Variants in PRR14L observed in about 807,000 individuals in gnomAD.
PRR14L encodes the protein proline rich 14 like.
A neutral mutation model predicts 155.0 loss-of-function variants in PRR14L; 80 were observed. The observed-to-expected ratio is 0.52, with a 90% CI of 0.43 to 0.62. The LOEUF (loss-of-function observed/expected upper bound fraction) is 0.62, where lower values mean the gene tolerates loss of function less well. Among genes scored for constraint, PRR14L ranks in the 20% least tolerant of loss-of-function variants. The pLI is 0.00. For missense variants in PRR14L, 2,469 were observed against 2,548.0 expected (o/e 0.97, Z 0.67); for synonymous variants, 883 against 916.0 (o/e 0.96, Z 0.65).
Position 31,713,030 on chromosome 22 carries a change from GCTC to G in PRR14L, c.4806_4808del (p.Arg1602del). The G allele has an allele frequency of 6.4e-7, 1 of 1,552,258 alleles. No homozygotes were observed. Among genetic ancestry groups the G allele is most frequent in the Non-Finnish European group, 8.7e-7 (1 of 1,147,116 alleles). The stretch of plus-strand genomic sequence containing the variant: ...CTTTGGTAGTCTTCCTAAAATTCAG[GCTC>G]CTCAAGGGATGGCACGGTGTAGACA... On this transcript the variant is annotated inframe_deletion, in exon 4 of 9. Transcript: ENST00000327423.
chr22:31,740,525 G>A (rs970822631), intron 1 of PRR14L, among the ~76,000 whole-genome samples: 2 of 151,934 alleles, frequency 1.3e-5, no homozygotes, highest in South Asian at 2.1e-4. Context: ...GCCACACCTG[G>A]CTAATTTTTT....
chr22:31,737,082 T>C (rs1231747224), intron 2 of PRR14L, among the ~76,000 whole-genome samples: 1 of 128,130 alleles, frequency 7.8e-6, no homozygotes. Flanking sequence ...CTGCAAAGCC[T>C]AAAAGATTTA....
At chr22:31,746,083 G>C (rs983975081) in intron 1 of PRR14L, among the ~76,000 whole-genome samples, 10 of 151,898 alleles carry the variant, frequency 6.6e-5, no homozygotes, top group African/African-American at 2.2e-4. Flanking sequence ...GCGCGAGGCA[G>C]TGAACCCAGC....
intron 7 of PRR14L, among the ~76,000 whole-genome samples, chr22:31,699,224 G>C (rs1018686812): frequency 2.6e-5 from 4 of 152,034 alleles, no homozygotes; most frequent in Admixed American, 2.6e-4. Context: ...TTTTAGTAGA[G>C]ACAGGGTTTC....
chr22:31,712,115 G>A lies in PRR14L; in HGVS notation c.5724C>T (p.Cys1908=). The A allele has an allele frequency of 6.2e-7, 1 of 1,613,506 alleles. No individual in the cohort carries two copies. Among genetic ancestry groups the A allele is most frequent in the Admixed American group, 1.7e-5 (1 of 59,852 alleles). ...FEISSLHSPH[C]KRQPSLGTTS... The stretch of plus-strand genomic sequence containing the variant: ...TGGTGCCCAGACTTGGTTGCCGCTT[G>A]CAGTGAGGGGAATGAAGAGAAGAGA... The change falls in exon 4 of 9, where the codon TGC becomes TGT. Residue 1908 remains cysteine, a synonymous_variant. Transcript: ENST00000327423.
chr22:31,719,029 A>G (rs1278186104), intron 3 of PRR14L, among the ~76,000 whole-genome samples: 3 of 151,966 alleles, frequency 2.0e-5, no homozygotes, highest in African/African-American at 7.2e-5. Context: ...AGCCAAGATC[A>G]TGCCACTACA....
rs1418294809 is a variant in PRR14L at position 31,685,575 on chromosome 22, C to A, written c.6408G>T (p.Glu2136Asp). 7.1e-6 allele frequency: 11 copies of A among 1,552,088 alleles called. No homozygotes were observed. The highest frequency in any genetic ancestry group is 1.2e-5 in the South Asian group (1 of 84,054). The change falls in exon 9 of 9, where the codon GAG (glutamate) becomes GAT (aspartate). Residue 2136 changes from glutamate to aspartate, a missense_variant. Glu to Asp is a conservative substitution (Grantham distance 45, BLOSUM62 2). Coordinates refer to ENST00000327423, the MANE Select transcript of PRR14L (RefSeq NM_173566.3). ...GCTCCTCTTCCTTGGCAAAGAAGGT[C>A]TCCAGTTCCATTAGTTTCTGTATCA... ...ALLIQKLMELETFFAKEEEQE... is the reference protein window; with the variant it reads ...ALLIQKLMELDTFFAKEEEQE...
chr22:31,742,419 G>T (rs1009908518), intron 1 of PRR14L, among the ~76,000 whole-genome samples: 3 of 150,568 alleles, frequency 2.0e-5, no homozygotes, highest in Non-Finnish European at 4.4e-5. Context: ...GCTGGATGAA[G>T]TGCAGTGGTG....
chr22:31,727,337 G>A (rs1343763230), intron 2 of PRR14L, among the ~76,000 whole-genome samples: 1 of 151,204 alleles, frequency 6.6e-6, no homozygotes, highest in East Asian at 2.0e-4. Flanking sequence ...GGGTTAAAGC[G>A]ATTCTCCTGC....
chr22:31,715,630 G>A lies in PRR14L; in HGVS notation c.2209C>T (p.Pro737Ser), dbSNP rs927006927. The A allele has an allele frequency of 6.4e-6, 10 of 1,552,104 alleles. No homozygotes were observed. ...SSNCPTLNIK[P>S]VSLERKKEMA... ...TCCTTTTTTCTCTCTAGGCTTACTG[G>A]TTTGATGTTTAAGGTGGGACAGTTT... The change falls in exon 4 of 9, where the codon CCA becomes TCA. Residue 737 changes from proline to serine, a missense_variant. By Grantham distance (74) the Pro-to-Ser change is moderately conservative. Around this residue, in one of 2 missense-constraint regions of PRR14L, gnomAD observed 2,363 missense variants for 2,371.6 expected, o/e 1.00. Coordinates refer to ENST00000327423, the MANE Select transcript of PRR14L (RefSeq NM_173566.3).
At chr22:31,700,659 C>A (rs935271340) in intron 7 of PRR14L, among the ~76,000 whole-genome samples, 1 of 152,038 alleles carries the variant, frequency 6.6e-6, no homozygotes, top group African/African-American at 2.4e-5. Context: ...TGGGTTCAAG[C>A]GATTCTCCTG....
At chr22:31,721,440 C>A (rs778839604) in intron 3 of PRR14L, among the ~76,000 whole-genome samples, 1 of 151,994 alleles carries the variant, frequency 6.6e-6, no homozygotes, top group Non-Finnish European at 1.5e-5. Flanking sequence ...TGGTGGCAGA[C>A]GCCTGTAGTC....
In PRR14L at chr22:31,706,428, C is replaced by CTTTTTTT. The variant is rs771902267; in HGVS notation, c.5757-1703_5757-1702insAAAAAAA. Among the ~76,000 whole-genome samples, 36 of 142,262 alleles carry CTTTTTTT rather than the reference C, an allele frequency of 2.5e-4. 1 individual carries two copies. The highest frequency in any genetic ancestry group is 7.5e-4 in the African/African-American group (27 of 36,144). The allele number at this position is 142,262 out of a possible 152,430, so 93.3% of individuals were successfully genotyped here. On this transcript the variant is annotated intron_variant, in intron 4 of 8. Transcript: ENST00000327423. ...TAATTCCTTTATAATTAAACTCTTCCTTTTTCTTTTTTTTGAGACGGAGTC... is the reference window on the plus strand; with the variant it reads ...TAATTCCTTTATAATTAAACTCTTCCTTTTTTTTTTTTCTTTTTTTTGAGACGGAGTC...
At chr22:31,698,323 C>T (rs915638911) in intron 7 of PRR14L, among the ~76,000 whole-genome samples, 1 of 152,036 alleles carries the variant, frequency 6.6e-6, no homozygotes, top group African/African-American at 2.4e-5. Flanking sequence ...CCATGCCCGG[C>T]CAGATGTTAT....
At chr22:31,735,098 G>A (rs2074771235) in intron 2 of PRR14L, among the ~76,000 whole-genome samples, 1 of 152,248 alleles carries the variant, frequency 6.6e-6, no homozygotes, top group Admixed American at 6.5e-5. Flanking sequence ...AATTCAAAAT[G>A]GAATATACAC....
chr22:31,740,594 C>T (rs1275966987), intron 1 of PRR14L, among the ~76,000 whole-genome samples: 1 of 151,996 alleles, frequency 6.6e-6, no homozygotes, highest in African/African-American at 2.4e-5. Flanking sequence ...CTCCTGAGCT[C>T]AAGCAATCCT....
Position 31,717,080 on chromosome 22 carries a change from T to A in PRR14L, c.759A>T (p.Glu253Asp). 1 of 1,552,018 alleles carries A rather than the reference T, an allele frequency of 6.4e-7. No homozygotes were observed. The highest frequency in any genetic ancestry group is 8.7e-7 in the Non-Finnish European group (1 of 1,147,034). Residue 253 changes from glutamate (E) to aspartate (D), a missense_variant, in exon 4 of 9, where the codon GAA becomes GAT. This residue lies in a region of PRR14L where 2,363 missense variants were observed against 2,371.6 expected (regional missense o/e 1.00). Coordinates refer to ENST00000327423, the MANE Select transcript of PRR14L (RefSeq NM_173566.3). The part of the protein sequence containing the change: ...VSETSTLVTP[E>D]PLTFVDPVLT... ...ATACAGGGTCCACAAAGGTTAAAGG[T>A]TCTGGGGTAACTAATGTGCTGGTTT...
chr22:31,741,917 TC>T (rs2074815168), intron 1 of PRR14L, among the ~76,000 whole-genome samples: 2 of 152,100 alleles, frequency 1.3e-5, no homozygotes, highest in Non-Finnish European at 2.9e-5. Context: ...TCTAGAATCT[TC>T]CCCTTTCTCC....
Position 31,684,272 on chromosome 22 carries a change from TACAATG to T in PRR14L, c.*1249_*1254del, listed in dbSNP as rs2074470472. 6.6e-6 allele frequency: 1 copy of T among 152,112 alleles called. No homozygotes were observed. The highest frequency in any genetic ancestry group is 2.4e-5 in the African/African-American group (1 of 41,348). The allele number at this position is 152,112 out of a possible 1,614,324, so 9.4% of individuals were successfully genotyped here. A position where few individuals can be genotyped will look rare whatever the true frequency, so the allele number is the denominator to read the frequency against. On this transcript the variant is annotated 3_prime_UTR_variant, in exon 9 of 9. Coordinates refer to ENST00000327423, the MANE Select transcript of PRR14L (RefSeq NM_173566.3). ...GTAGATGTGACGTAGGAGCCCAGAG[TACAATG>T]AGGTGGCCCTCAAAGAAGGCTGGCT... is the stretch of plus-strand genomic sequence containing the variant.
Sources: allele counts gnomAD v4.1 joint callset (sites outside exome capture counted in the v4.1 genomes callset), GRCh38; gene constraint gnomAD v4.1.1; regional missense constraint gnomAD v4.1.1; transcripts MANE v1.5; gene names NCBI Gene and HGNC (gene_info 2026-07-23, HGNC 2026-07-21).